PUM1: variants seen among roughly 807,000 people sequenced by gnomAD.
The protein encoded by PUM1 is pumilio homolog 1.
PUM1 carries 13 observed loss-of-function variants against 131.8 expected under a neutral mutation model. That is an observed-to-expected ratio of 0.10 (90% CI 0.06 to 0.16). The LOEUF is 0.16. PUM1 is among the 10% of genes least tolerant of loss of function. The pLI, the probability that PUM1 is intolerant of heterozygous loss-of-function variation, is 1.00. For missense variants in PUM1, 961 were observed against 1,512.4 expected (o/e 0.64, Z 6.05); for synonymous variants, 509 against 556.5 (o/e 0.91, Z 1.20).
At position 30,966,254 on chromosome 1, in the gene PUM1, G is replaced by C; in HGVS notation, c.1814C>G (p.Ala605Gly). The C allele has an allele frequency of 6.2e-7, 1 of 1,603,768 alleles. No individual in the cohort carries two copies. ...QAAVAAAAAS[A>G]NGAAGGLAGT... ...AGCAAGACCACCAGCTGCTCCATTTGCTGAAGCTGCGGCTGCTGCAACAGC... is the reference window on the plus strand; with the variant it reads ...AGCAAGACCACCAGCTGCTCCATTTCCTGAAGCTGCGGCTGCTGCAACAGC... Residue 605 changes from alanine (A) to glycine (G), a missense_variant, in exon 13 of 22, where the codon GCA becomes GGA. Ala to Gly is a moderately conservative substitution (Grantham distance 60, BLOSUM62 0). Coordinates refer to ENST00000426105, the MANE Select transcript of PUM1 (RefSeq NM_001020658.2).
At chr1:30,965,000 C>A in intron 13 of PUM1, 90 bp from the exon 14 acceptor site, 1 of 1,054,884 alleles carries the variant, frequency 9.5e-7, no homozygotes, top group Non-Finnish European at 1.4e-6. Context: ...TTGATCCAGA[C>A]TCCTTACCAC....
intron 2 of PUM1, among the ~76,000 whole-genome samples, chr1:31,032,535 T>G (rs534367671): frequency 3.3e-5 from 5 of 151,486 alleles, no homozygotes; most frequent in African/African-American, 4.9e-5. Context: ...CCTGCTCTGT[T>G]GCCCAGGCTG....
Position 31,059,501 on chromosome 1 carries a change from C to T in PUM1, c.66G>A (p.Leu22=). ...TAGCTGGTTCTTGAGGGTGATGTTT[C>T]AGGTGGGGGCTGAAAGAGTCCTGCC... is the stretch of plus-strand genomic sequence containing the variant. ...VLWQDSFSPH[L]KHHPQEPANP... The change falls in exon 2 of 22, where the codon CTG becomes CTA. Residue 22 remains leucine, a synonymous_variant. Coordinates refer to ENST00000426105, the MANE Select transcript of PUM1 (RefSeq NM_001020658.2). 1.2e-6 allele frequency: 2 copies of T among 1,614,170 alleles called. No individual in the cohort carries two copies. The highest frequency in any genetic ancestry group is 2.2e-5 in the East Asian group (1 of 44,886).
chr1:31,010,324 T>TC, intron 3 of PUM1, among the ~76,000 whole-genome samples: 1 of 152,296 alleles, frequency 6.6e-6, no homozygotes, highest in African/African-American at 2.4e-5. Context: ...CCCTGAGTAA[T>TC]CCCCTTCCCC....
rs565532188 is a variant in PUM1 at position 31,058,981 on chromosome 1, A to AAATG, written c.363+219_363+222dup. ...GGGTGACAGAGCAAGACTCTGTCTC[A>AAATG]AATGAATGAATGAATGAATGAATTG... On this transcript the variant is annotated intron_variant, in intron 2 of 21. Transcript: ENST00000426105. Among the ~76,000 whole-genome samples, 1,182 of 152,270 alleles carry AAATG rather than the reference A, an allele frequency of 7.8e-3. 8 individuals carry two copies. The highest frequency in any genetic ancestry group is 0.012 in the South Asian group (60 of 4,820).
rs966941315 is a variant in PUM1 at position 30,974,680 on chromosome 1, T to C, written c.1477A>G (p.Thr493Ala). ...TGCTGTCCTTGCTGAGCCTGTGGGG[T>C]GGTCTGTTGATTAGCTGAATTAGTT... Reference protein sequence around the residue: ...AATNSANQQTTPQAQQGQQQV... With the variant: ...AATNSANQQTAPQAQQGQQQV... Residue 493 changes from threonine to alanine, a missense_variant, in exon 10 of 22, where the codon ACC becomes GCC. Physicochemically the swap from Thr to Ala is moderately conservative, Grantham distance 58 (BLOSUM62 0). Around this residue, in one of 4 missense-constraint regions of PUM1, gnomAD observed 654 missense variants for 923.9 expected, o/e 0.71. Transcript: ENST00000426105. 2 of 1,609,140 alleles carry C rather than the reference T, an allele frequency of 1.2e-6. No homozygotes were observed. Among genetic ancestry groups the C allele is most frequent in the Non-Finnish European group, 8.5e-7 (1 of 1,178,310 alleles).
intron 10 of PUM1, among the ~76,000 whole-genome samples, chr1:30,971,522 G>A (rs1306681392): frequency 1.3e-5 from 2 of 152,196 alleles, no homozygotes; most frequent in Non-Finnish European, 2.9e-5. Context: ...ACTTGCCCTA[G>A]TTGTAAGCTA....
intron 17 of PUM1, among the ~76,000 whole-genome samples, chr1:30,947,571 T>C (rs566980430): frequency 6.6e-6 from 1 of 152,266 alleles, no homozygotes; most frequent in African/African-American, 2.4e-5. Flanking sequence ...CCCCAGGTCT[T>C]AGGTATCTTG....
chr1:31,001,917 T>C (rs146869507), intron 5 of PUM1, among the ~76,000 whole-genome samples: 3 of 152,342 alleles, frequency 2.0e-5, no homozygotes, highest in Non-Finnish European at 4.4e-5. Flanking sequence ...CTGGGTAGTC[T>C]TGTCAAAATG....
chr1:30,966,197 C>A lies in PUM1; in HGVS notation c.1871G>T (p.Gly624Val). Reference protein sequence around the residue: ...GTTNGPFRPLGTQQPQPQPQQ... With the variant: ...GTTNGPFRPLVTQQPQPQPQQ... ...GGGCTGGGGCTGAGGCTGCTGTGTT[C>A]CTAAAGGGCGAAATGGTCCATTTGT... The change falls in exon 13 of 22, where the codon GGA (glycine) becomes GTA (valine). Residue 624 changes from glycine to valine, a missense_variant. By Grantham distance (109) the Gly-to-Val change is moderately radical. Around this residue, in one of 4 missense-constraint regions of PUM1, gnomAD observed 654 missense variants for 923.9 expected, o/e 0.71. Transcript: ENST00000426105. 6.2e-7 allele frequency: 1 copy of A among 1,613,996 alleles called. No individual in the cohort carries two copies. Among genetic ancestry groups the A allele is most frequent in the South Asian group, 1.1e-5 (1 of 91,058 alleles).
At chr1:31,004,864 G>A (rs1445101071) in intron 5 of PUM1, among the ~76,000 whole-genome samples, 2 of 152,130 alleles carry the variant, frequency 1.3e-5, no homozygotes, top group African/African-American at 2.4e-5. Context: ...TCAATTTGTG[G>A]GAAAGAAGGT....
intron 19 of PUM1, 131 bp from the exon 20 acceptor site, chr1:30,941,403 A>G: frequency 1.1e-6 from 1 of 907,746 alleles, no homozygotes; most frequent in Non-Finnish European, 1.6e-6. Context: ...ACTAATGAAC[A>G]CACAATTTTT....
Position 30,953,965 on chromosome 1 carries a change from G to A in PUM1, c.2340C>T (p.Gly780=), listed in dbSNP as rs1390927571. The change falls in exon 15 of 22, where the codon GGC becomes GGT. Residue 780 remains glycine (G), a synonymous_variant. Coordinates refer to ENST00000426105, the MANE Select transcript of PUM1 (RefSeq NM_001020658.2). The part of the protein sequence containing the change: ...SSLNLGGLTN[G]SGRYISAAPG... ...GAGCAGCAGAGATGTATCTTCCACT[G>A]CCATTCGTGAGTCCTCCTGTTGGTT... The A allele has an allele frequency of 1.2e-6, 2 of 1,614,056 alleles. No individual in the cohort carries two copies. Among genetic ancestry groups the A allele is most frequent in the South Asian group, 2.2e-5 (2 of 91,092 alleles).
intron 2 of PUM1, among the ~76,000 whole-genome samples, chr1:31,038,980 ATATATTTTTTTTTT>A (rs1557599272): frequency 3.4e-5 from 1 of 29,602 alleles, no homozygotes; most frequent in African/African-American, 2.9e-4. Context: ...ATATATATAT[ATATATTTTTTTTTT>A]TTTTTTCCTT....
At chr1:31,065,132 C>T (rs1200423716) in intron 1 of PUM1, among the ~76,000 whole-genome samples, 1 of 152,284 alleles carries the variant, frequency 6.6e-6, no homozygotes, top group East Asian at 1.9e-4. Flanking sequence ...GGACAAGGGC[C>T]ACGGCTGCTT....
Position 30,979,813 on chromosome 1 carries a change from T to A in PUM1, c.1354+249A>T, listed in dbSNP as rs1411068580. On this transcript the variant is annotated intron_variant, in intron 9 of 21. Transcript: ENST00000426105. ...GAAATTCCCAAAATATAAATGAGTA[T>A]CTGGTGGCTCCATGGATCAAAAACA... Among the ~76,000 whole-genome samples the A allele has an allele frequency of 2.0e-5, 3 of 152,114 alleles. No individual in the cohort carries two copies. In the East Asian group the frequency reaches 5.8e-4, roughly 29 times the overall value.
intron 3 of PUM1, 129 bp downstream of exon 3, chr1:31,028,667 T>C (rs1164761165): frequency 6.0e-6 from 5 of 828,644 alleles, no homozygotes; most frequent in East Asian, 2.4e-5. Context: ...CCCGTTCCTA[T>C]CATGAGAATG....
chr1:31,007,099 G>C lies in PUM1; in HGVS notation c.436C>G (p.Leu146Val), dbSNP rs1211551619. The part of the protein sequence containing the change: ...ALEGRAMGEQ[L>V]LPGKKFWETD... ...TCCCAAAACTTTTTACCTGGCAAGA[G>C]CTGCTGCAAATTAAAAATAATAGAT... Residue 146 changes from leucine to valine, a missense_variant, in exon 4 of 22, where the codon CTC becomes GTC. Around this residue, in one of 4 missense-constraint regions of PUM1, gnomAD observed 654 missense variants for 923.9 expected, o/e 0.71. Transcript: ENST00000426105. 6.2e-7 allele frequency: 1 copy of C among 1,608,890 alleles called. No individual in the cohort carries two copies. Among genetic ancestry groups the C allele is most frequent in the Non-Finnish European group, 8.5e-7 (1 of 1,175,612 alleles).
chr1:30,938,944 C>T (rs7541237), intron 20 of PUM1, among the ~76,000 whole-genome samples: 100,753 of 149,290 alleles, frequency 0.67, 33,914 homozygotes, highest in South Asian at 0.87. Flanking sequence ...GACAGACAGA[C>T]AGATAGACAG....
Sources: allele counts gnomAD v4.1 joint callset (sites outside exome capture counted in the v4.1 genomes callset), GRCh38; gene constraint gnomAD v4.1.1; regional missense constraint gnomAD v4.1.1; transcripts MANE v1.5; gene names NCBI Gene and HGNC (gene_info 2026-07-23, HGNC 2026-07-21).